Variants in NBN observed in about 807,000 individuals in gnomAD.
NBN encodes the protein Nijmegen breakage syndrome 1 (nibrin).
A neutral mutation model predicts 90.8 loss-of-function variants in NBN; 88 were observed. The observed-to-expected ratio is 0.97, with a 90% CI of 0.82 to 1.16. The LOEUF (loss-of-function observed/expected upper bound fraction) is 1.16, where lower values mean the gene tolerates loss of function less well. Ranked by LOEUF, NBN falls within the 50% of genes most tolerant of loss-of-function variation. The probability of loss-of-function intolerance (pLI) is 0.00; values close to 1 mark genes in which losing one functional copy is unlikely to be tolerated. For synonymous variants in NBN, 328 were observed against 295.1 expected, an observed-to-expected ratio of 1.11 and a Z score of -1.14; for missense variants, 894 against 869.6, an observed-to-expected ratio of 1.03 and a Z score of -0.35.
intron 15 of NBN, chr8:89,936,226 G>A (rs553171951): frequency 0.015 from 3,410 of 229,820 alleles, 115 homozygotes; most frequent in African/African-American, 0.074. Flanking sequence ...ACAGGTGCAT[G>A]CCACCACGCC....
At chr8:89,959,087 T>C (rs1810873238) in intron 8 of NBN, among the ~76,000 whole-genome samples, 1 of 152,236 alleles carries the variant, frequency 6.6e-6, no homozygotes, top group South Asian at 2.1e-4. Flanking sequence ...TCAGATACTT[T>C]GTGCTGAAGT....
chr8:89,935,527 C>G lies in NBN; in HGVS notation c.*55G>C. On this transcript the variant is annotated 3_prime_UTR_variant, in exon 16 of 16. Transcript: ENST00000265433. ...TATATATTCATATAACCTTGTTGGC[C>G]TGAAGTAGATGCTTACTAGGAAGTT... 1 of 1,604,908 alleles carries G rather than the reference C, an allele frequency of 6.2e-7. No individual in the cohort carries two copies. The highest frequency in any genetic ancestry group is 1.7e-5 in the Admixed American group (1 of 59,832).
intron 4 of NBN, among the ~76,000 whole-genome samples, chr8:89,978,932 G>C (rs1158908548): frequency 6.6e-6 from 1 of 152,156 alleles, no homozygotes; most frequent in African/African-American, 2.4e-5. Flanking sequence ...ACAAACATTA[G>C]AAAATGCTAC....
In NBN at chr8:89,984,534, G is replaced by A. The variant is rs758228844; in HGVS notation, c.28C>T (p.Pro10Ser). 1 of 1,613,124 alleles carries A rather than the reference G, an allele frequency of 6.2e-7. No homozygotes were observed. Residue 10 changes from proline to serine, a missense_variant, in exon 1 of 16, where the codon CCG becomes TCG. Physicochemically the swap from Pro to Ser is moderately conservative, Grantham distance 74 (BLOSUM62 -1). Transcript: ENST00000265433. MWKLLPAAG[P>S]AGGEPYRLLT... Reference sequence around the variant, plus strand: ...TCCCTTCTGCCCTTACCTCCTGCCGGGCCCGCGGCGGGCAGCAGTTTCCAC... The same window carrying A: ...TCCCTTCTGCCCTTACCTCCTGCCGAGCCCGCGGCGGGCAGCAGTTTCCAC...
chr8:89,970,551 T>C lies in NBN; in HGVS notation c.709A>G (p.Lys237Glu). Residue 237 changes from lysine to glutamate, a missense_variant, in exon 7 of 16, where the codon AAA (lysine) becomes GAA (glutamate). Physicochemically the swap from Lys to Glu is moderately conservative, Grantham distance 56. Coordinates refer to ENST00000265433, the MANE Select transcript of NBN (RefSeq NM_002485.5). ...CCAAAGACAACTGCGGAACTCAATT[T>C]CTTATGCTAAAAATGGAAGGAAACA... ...FIFLNAKQHK[K>E]LSSAVVFGGG... 6.2e-7 allele frequency: 1 copy of C among 1,613,318 alleles called. No homozygotes were observed. The highest frequency in any genetic ancestry group is 8.5e-7 in the Non-Finnish European group (1 of 1,179,312).
chr8:89,952,493 G>GATTTATA (rs1810488182), intron 11 of NBN, among the ~76,000 whole-genome samples: 3 of 152,164 alleles, frequency 2.0e-5, no homozygotes, highest in Non-Finnish European at 4.4e-5. Context: ...AGTAGTTGTA[G>GATTTATA]ATTTATAAGG....
chr8:89,973,894 C>T (rs905550083), intron 5 of NBN, among the ~76,000 whole-genome samples: 5 of 135,616 alleles, frequency 3.7e-5, no homozygotes, highest in African/African-American at 1.0e-4. Context: ...TTCGTTTATA[C>T]AGAAACTTTA....
intron 2 of NBN, 70 bp downstream of exon 2, chr8:89,982,652 C>T (rs1812123533): frequency 7.2e-7 from 1 of 1,380,710 alleles, no homozygotes; most frequent in African/African-American, 1.4e-5. Context: ...CTCTCACATA[C>T]AAACCAAGAG....
intron 8 of NBN, among the ~76,000 whole-genome samples, chr8:89,963,284 T>C (rs1409395499): frequency 6.6e-6 from 1 of 152,184 alleles, no homozygotes; most frequent in African/African-American, 2.4e-5. Context: ...ACTGACTCCA[T>C]AGTTGCCATT....
At chr8:89,955,610 T>G (rs1006524034) in intron 9 of NBN, 55 bp from the exon 10 acceptor site, 3 of 1,557,698 alleles carry the variant, frequency 1.9e-6, no homozygotes, top group Non-Finnish European at 2.6e-6. Flanking sequence ...GCAACTTTAA[T>G]AGAGAAACAA....
At chr8:89,950,191 T>C (rs1264347301) in intron 11 of NBN, among the ~76,000 whole-genome samples, 2 of 152,190 alleles carry the variant, frequency 1.3e-5, no homozygotes, top group African/African-American at 4.8e-5. Flanking sequence ...GTGATTTAAC[T>C]TGTAGTAGTC....
chr8:89,959,518 T>A (rs778185118), intron 8 of NBN, among the ~76,000 whole-genome samples: 16 of 152,290 alleles, frequency 1.1e-4, no homozygotes, highest in Non-Finnish European at 1.9e-4. Flanking sequence ...TTTGGAAGGC[T>A]GAGGCAGGAG....
At chr8:89,964,534 G>T in intron 7 of NBN, 27 bp from the exon 8 acceptor site, 1 of 1,560,660 alleles carries the variant, frequency 6.4e-7, no homozygotes. Flanking sequence ...GTTTAAGTAT[G>T]ATAATATATT....
At chr8:89,967,379 G>C (rs79166004) in intron 7 of NBN, among the ~76,000 whole-genome samples, 2,669 of 152,300 alleles carry the variant, frequency 0.018, 78 homozygotes, top group African/African-American at 0.06. Context: ...GGAGAAAACT[G>C]GGCTAGGGGT....
chr8:89,968,146 C>G (rs1811335601), intron 7 of NBN, among the ~76,000 whole-genome samples: 1 of 152,094 alleles, frequency 6.6e-6, no homozygotes, highest in South Asian at 2.1e-4. Flanking sequence ...GTAGTCCCAG[C>G]TACTTGGGAG....
chr8:89,961,799 T>C (rs1284072578), intron 8 of NBN, among the ~76,000 whole-genome samples: 1 of 152,098 alleles, frequency 6.6e-6, no homozygotes. Flanking sequence ...AAAGAGAAGG[T>C]AATTGAATAG....
rs1456579773 is a variant in NBN, at chr8:89,934,677, T to G, written c.*905A>C. The G allele has an allele frequency of 4.3e-6, 1 of 233,146 alleles. No homozygotes were observed. The highest frequency in any genetic ancestry group is 8.5e-6 in the Non-Finnish European group (1 of 118,020). 14.4% of individuals were successfully genotyped at this position (233,146 alleles called of 1,614,324 possible). ...GTGACTCTTGACTGGAACTCCCTTC[T>G]TGCTGGATCACAGGTACATGAATAT... On this transcript the variant is annotated 3_prime_UTR_variant, in exon 16 of 16. Coordinates refer to ENST00000265433, the MANE Select transcript of NBN (RefSeq NM_002485.5).
chr8:89,965,029 G>A (rs1257254725), intron 7 of NBN, among the ~76,000 whole-genome samples: 1 of 151,956 alleles, frequency 6.6e-6, no homozygotes, highest in Non-Finnish European at 1.5e-5. Context: ...CAAGAGAATC[G>A]CCTGAACTTA....
chr8:89,976,480 G>A (rs1811763340), intron 5 of NBN, among the ~76,000 whole-genome samples: 1 of 152,204 alleles, frequency 6.6e-6, no homozygotes, highest in African/African-American at 2.4e-5. Context: ...CTCGGAACCT[G>A]GCCTTTAATC....
Sources: allele counts gnomAD v4.1 joint callset (sites outside exome capture counted in the v4.1 genomes callset), GRCh38; gene constraint gnomAD v4.1.1; transcripts MANE v1.5; gene names NCBI Gene and HGNC (gene_info 2026-07-23, HGNC 2026-07-21).